The following SGCD variants were observed in gnomAD, a reference collection of about 807,000 sequenced individuals.
The protein encoded by SGCD is delta-sarcoglycan.
A neutral mutation model predicts 36.6 loss-of-function variants in SGCD; 18 were observed. That is an observed-to-expected ratio of 0.49 (90% CI 0.34 to 0.73). The LOEUF (loss-of-function observed/expected upper bound fraction) is 0.73. SGCD is among the 30% of genes least tolerant of loss of function. SGCD has a pLI of 0.01. For missense variants in SGCD, 387 were observed against 346.7 expected (o/e 1.12, Z -0.92); for synonymous variants, 133 against 130.6 (o/e 1.02, Z -0.12).
chr5:156,736,664 G>C (rs1309179214), intron 7 of SGCD, among the ~76,000 whole-genome samples: 1 of 152,064 alleles, frequency 6.6e-6, no homozygotes, highest in African/African-American at 2.4e-5. Context: ...GGGTGGACTT[G>C]GGCAAGTCAT....
At chr5:156,298,315 C>A (rs1766953005) in intron 3 of SGCD, among the ~76,000 whole-genome samples, 1 of 152,006 alleles carries the variant, frequency 6.6e-6, no homozygotes, top group African/African-American at 2.4e-5. Flanking sequence ...GTAATTAGAT[C>A]TTTAAATTTT....
At chr5:155,999,731 C>A (rs1168711691) in intron 1 of SGCD, among the ~76,000 whole-genome samples, 1 of 152,148 alleles carries the variant, frequency 6.6e-6, no homozygotes, top group Admixed American at 6.5e-5. Context: ...AGATACTCAC[C>A]CTGCCTGAAA....
chr5:155,967,501 GTTGT>G (rs1401601913), intron 1 of SGCD, among the ~76,000 whole-genome samples: 1 of 151,962 alleles, frequency 6.6e-6, no homozygotes, highest in African/African-American at 2.4e-5. Flanking sequence ...GCAGTCAGAG[GTTGT>G]TTAAGGTTTC....
intron 3 of SGCD, among the ~76,000 whole-genome samples, chr5:156,282,689 G>A (rs1201846846): frequency 2.0e-5 from 3 of 151,872 alleles, no homozygotes; most frequent in Non-Finnish European, 2.9e-5. Context: ...GATTACTTAC[G>A]TGTGGTCTAT....
chr5:156,121,125 CA>C (rs1324401184), intron 2 of SGCD, among the ~76,000 whole-genome samples: 1 of 151,894 alleles, frequency 6.6e-6, no homozygotes, highest in Non-Finnish European at 1.5e-5. Flanking sequence ...TTAAGGGCTA[CA>C]AAAGCAATGT....
At chr5:156,076,409 A>C (rs889046710) in intron 1 of SGCD, among the ~76,000 whole-genome samples, 10 of 152,086 alleles carry the variant, frequency 6.6e-5, no homozygotes, top group African/African-American at 2.4e-4. Flanking sequence ...GTAGTGTATG[A>C]TATAAAACCT....
intron 4 of SGCD, among the ~76,000 whole-genome samples, chr5:156,528,892 A>C (rs1757758184): frequency 6.6e-6 from 1 of 152,180 alleles, no homozygotes; most frequent in Non-Finnish European, 1.5e-5. Flanking sequence ...TTTCAACATC[A>C]TCTAATACTT....
At chr5:156,148,436 G>A (rs1581130233) in intron 3 of SGCD, among the ~76,000 whole-genome samples, 1 of 152,098 alleles carries the variant, frequency 6.6e-6, no homozygotes, top group Non-Finnish European at 1.5e-5. Context: ...TATTTTATCT[G>A]TCTTGCTAAC....
intron 3 of SGCD, among the ~76,000 whole-genome samples, chr5:156,165,171 C>T (rs1025539674): frequency 6.6e-6 from 1 of 152,048 alleles, no homozygotes; most frequent in African/African-American, 2.4e-5. Context: ...TCTGTGAAGC[C>T]ATACTTCTGC....
At chr5:156,441,181 G>T (rs1753476473) in intron 3 of SGCD, among the ~76,000 whole-genome samples, 1 of 152,082 alleles carries the variant, frequency 6.6e-6, no homozygotes, top group South Asian at 2.1e-4. Context: ...CATTATCACC[G>T]TCCTACTCTG....
At chr5:156,612,135 C>A (rs1467929745) in intron 6 of SGCD, among the ~76,000 whole-genome samples, 1 of 151,950 alleles carries the variant, frequency 6.6e-6, no homozygotes, top group Non-Finnish European at 1.5e-5. Context: ...TGTTGTTTTG[C>A]TTTTTTATGT....
chr5:156,155,350 TG>T (rs1762930946), intron 3 of SGCD, among the ~76,000 whole-genome samples: 1 of 151,602 alleles, frequency 6.6e-6, no homozygotes, highest in South Asian at 2.1e-4. Flanking sequence ...ATTACTCAGC[TG>T]TAAAATACTG....
At chr5:156,096,991 ATT>A (rs201675198) in intron 1 of SGCD, among the ~76,000 whole-genome samples, 2 of 149,682 alleles carry the variant, frequency 1.3e-5, no homozygotes, top group African/African-American at 4.9e-5. Context: ...TAGTTGATAG[ATT>A]TTTTTTTTCT....
chr5:156,173,694 A>G (rs1763394683), intron 3 of SGCD, among the ~76,000 whole-genome samples: 1 of 152,162 alleles, frequency 6.6e-6, no homozygotes, highest in Non-Finnish European at 1.5e-5. Flanking sequence ...GAAAAACCTT[A>G]GGGAGATCTT....
intron 3 of SGCD, among the ~76,000 whole-genome samples, chr5:156,275,066 T>C (rs1766281719): frequency 6.6e-6 from 1 of 152,172 alleles, no homozygotes; most frequent in African/African-American, 2.4e-5. Flanking sequence ...GGTTGACAAC[T>C]AATTTAAAAA....
chr5:155,794,112 A>G, the SGCD span, among the ~76,000 whole-genome samples: 2 of 152,182 alleles, frequency 1.3e-5, no homozygotes, highest in Admixed American at 6.5e-5. Context: ...GTACAGCACT[A>G]CACTGTAGGG....
At chr5:156,154,052 C>T (rs548110049) in intron 3 of SGCD, among the ~76,000 whole-genome samples, 1 of 151,674 alleles carries the variant, frequency 6.6e-6, no homozygotes, top group South Asian at 2.1e-4. Flanking sequence ...CCCCTTGTTC[C>T]CTGCCCCTAA....
chr5:156,227,780 G>T (rs1308956464), intron 3 of SGCD, among the ~76,000 whole-genome samples: 1 of 152,006 alleles, frequency 6.6e-6, no homozygotes. Context: ...GGCATTTAGG[G>T]CTATGAACTT....
chr5:155,786,516 A>G, the SGCD span, among the ~76,000 whole-genome samples: 3 of 152,148 alleles, frequency 2.0e-5, no homozygotes, highest in Admixed American at 6.6e-5. Flanking sequence ...ATTAAAAAAA[A>G]GTTTGGGACA....
Sources: gnomAD v4.1 joint callset for allele counts (sites outside exome capture counted in the v4.1 genomes callset) on GRCh38, gnomAD v4.1.1 for gene constraint, MANE v1.5 for transcripts, NCBI Gene and HGNC (gene_info 2026-07-23, HGNC 2026-07-21) for gene names.